The following OLFM3 variants were observed in gnomAD, a reference collection of about 807,000 sequenced individuals.
OLFM3 encodes noelin-3.
OLFM3 carries 20 observed loss-of-function variants against 48.6 expected under a neutral mutation model. That is an observed-to-expected ratio of 0.41 (90% CI 0.29 to 0.60). OLFM3 has a LOEUF of 0.60. Among genes scored for constraint, OLFM3 ranks in the 20% least tolerant of loss-of-function variants. The pLI is 0.28. For missense variants in OLFM3, 437 were observed against 544.3 expected, an observed-to-expected ratio of 0.80 and a Z score of 1.96; for synonymous variants, 222 against 198.1, an observed-to-expected ratio of 1.12 and a Z score of -1.01.
intron 1 of OLFM3, among the ~76,000 whole-genome samples, chr1:101,990,989 TAAAA>T (rs58481588): frequency 4.5e-4 from 4 of 8,902 alleles, no homozygotes; most frequent in African/African-American, 1.1e-3. Context: ...TGTCAAAAAG[TAAAA>T]AAAAAAAAAA....
intron 1 of OLFM3, among the ~76,000 whole-genome samples, chr1:101,948,479 GCTTAAGA>G: frequency 6.6e-6 from 1 of 150,412 alleles, no homozygotes; most frequent in East Asian, 1.9e-4. Flanking sequence ...GAGAGTTTTC[GCTTAAGA>G]CTTGAGTCAG....
chr1:101,823,611 A>T (rs1654711639), intron 4 of OLFM3, among the ~76,000 whole-genome samples: 1 of 152,032 alleles, frequency 6.6e-6, no homozygotes, highest in Admixed American at 6.6e-5. Flanking sequence ...CTACAACATA[A>T]GGAATCCATA....
chr1:101,846,892 A>T, intron 1 of OLFM3: 1 of 1,612,708 alleles, frequency 6.2e-7, no homozygotes, highest in Middle Eastern at 1.7e-4. Flanking sequence ...CCCACCAAGG[A>T]TGGGAGAGTT....
chr1:101,984,437 G>A (rs1198805506), intron 1 of OLFM3, among the ~76,000 whole-genome samples: 6 of 151,782 alleles, frequency 4.0e-5, no homozygotes, highest in African/African-American at 9.7e-5. Context: ...GTGCTCTGTC[G>A]CCCAGACTAG....
chr1:101,993,851 C>T (rs144183403), intron 1 of OLFM3, among the ~76,000 whole-genome samples: 10 of 151,562 alleles, frequency 6.6e-5, no homozygotes, highest in African/African-American at 1.9e-4. Context: ...TTTTTAAAAA[C>T]CTGAAAACAA....
intron 1 of OLFM3, among the ~76,000 whole-genome samples, chr1:101,994,482 G>A (rs1023782794): frequency 4.0e-5 from 6 of 150,042 alleles, no homozygotes; most frequent in South Asian, 2.1e-4. Flanking sequence ...TAAGTAACTA[G>A]TAGAATGAAA....
intron 1 of OLFM3, among the ~76,000 whole-genome samples, chr1:101,907,991 T>A (rs1168058659): frequency 6.6e-6 from 1 of 152,218 alleles, no homozygotes; most frequent in Non-Finnish European, 1.5e-5. Flanking sequence ...AATGGAGATA[T>A]AATAGTTAAT....
At chr1:101,941,070 A>C (rs1207703505) in intron 1 of OLFM3, among the ~76,000 whole-genome samples, 1 of 152,126 alleles carries the variant, frequency 6.6e-6, no homozygotes, top group Non-Finnish European at 1.5e-5. Context: ...GGACCATCAT[A>C]AGAGAAGGAA....
chr1:101,914,132 A>G (rs534804238), intron 1 of OLFM3, among the ~76,000 whole-genome samples: 17 of 152,122 alleles, frequency 1.1e-4, no homozygotes, highest in Non-Finnish European at 2.5e-4. Flanking sequence ...AATTATATAA[A>G]CCTTAAAATG....
intron 1 of OLFM3, among the ~76,000 whole-genome samples, chr1:101,984,352 C>T (rs961503054): frequency 1.3e-5 from 2 of 151,746 alleles, no homozygotes; most frequent in African/African-American, 4.8e-5. Flanking sequence ...AAATGTCAAC[C>T]AGGGAAAACC....
At chr1:101,832,240 T>A (rs1290707419) in intron 2 of OLFM3, among the ~76,000 whole-genome samples, 1 of 152,210 alleles carries the variant, frequency 6.6e-6, no homozygotes. Flanking sequence ...ATATAATCAG[T>A]AAAAAGTTAT....
At chr1:101,978,695 C>T (rs1436864200) in intron 1 of OLFM3, among the ~76,000 whole-genome samples, 1 of 152,180 alleles carries the variant, frequency 6.6e-6, no homozygotes, top group Non-Finnish European at 1.5e-5. Context: ...TATATATGCT[C>T]ACACAGACAG....
At chr1:101,900,510 A>G (rs1658355077) in intron 1 of OLFM3, among the ~76,000 whole-genome samples, 2 of 152,164 alleles carry the variant, frequency 1.3e-5, no homozygotes, top group Admixed American at 1.3e-4. Flanking sequence ...GAAGGCATTC[A>G]GTGGTTTGAA....
At chr1:101,834,771 T>A (rs1026713227) in intron 2 of OLFM3, among the ~76,000 whole-genome samples, 2 of 152,230 alleles carry the variant, frequency 1.3e-5, no homozygotes, top group African/African-American at 4.8e-5. Flanking sequence ...GGTATTATGT[T>A]CTAGAATTTC....
At chr1:101,838,443 GA>G in intron 1 of OLFM3, among the ~76,000 whole-genome samples, 1 of 152,070 alleles carries the variant, frequency 6.6e-6, no homozygotes, top group Non-Finnish European at 1.5e-5. Context: ...TATTTTTTAT[GA>G]AATCATTTTT....
At chr1:101,945,887 A>G (rs1557740914) in intron 1 of OLFM3, among the ~76,000 whole-genome samples, 1 of 152,100 alleles carries the variant, frequency 6.6e-6, no homozygotes, top group Non-Finnish European at 1.5e-5. Context: ...AAAGAGCATA[A>G]ATAAATATTG....
intron 1 of OLFM3, among the ~76,000 whole-genome samples, chr1:101,986,111 G>T (rs577025775): frequency 6.6e-6 from 1 of 151,704 alleles, no homozygotes; most frequent in Non-Finnish European, 1.5e-5. Context: ...GACTACAGGC[G>T]CCCGCCACCA....
At chr1:101,956,183 A>G (rs1407075716) in intron 1 of OLFM3, among the ~76,000 whole-genome samples, 1 of 150,250 alleles carries the variant, frequency 6.7e-6, no homozygotes, top group Non-Finnish European at 1.5e-5. Flanking sequence ...TCTAAACTTT[A>G]CAGTGCTACC....
At chr1:101,943,970 A>T (rs1283743475) in intron 1 of OLFM3, among the ~76,000 whole-genome samples, 2 of 151,512 alleles carry the variant, frequency 1.3e-5, no homozygotes, top group Non-Finnish European at 2.9e-5. Context: ...ACTTATGATA[A>T]AATAACCCCA....
Sources: gnomAD v4.1 joint callset for allele counts (sites outside exome capture counted in the v4.1 genomes callset) on GRCh38, gnomAD v4.1.1 for gene constraint, MANE v1.5 for transcripts, NCBI Gene and HGNC (gene_info 2026-07-23, HGNC 2026-07-21) for gene names.